Variants in EPHA6 observed in about 807,000 individuals in gnomAD.
The protein encoded by EPHA6 is ephrin type-A receptor 6.
EPHA6 carries 50 observed loss-of-function variants against 112.0 expected under a neutral mutation model. That is an observed-to-expected ratio of 0.45 (90% CI 0.36 to 0.56). The LOEUF (loss-of-function observed/expected upper bound fraction) is 0.56, where lower values mean the gene tolerates loss of function less well. Among genes scored for constraint, EPHA6 ranks in the 20% least tolerant of loss-of-function variants. The probability of loss-of-function intolerance (pLI) is 0.00; values close to 1 mark genes in which losing one functional copy is unlikely to be tolerated. For missense variants in EPHA6, 1,280 were observed against 1,417.4 expected (o/e 0.90, Z 1.56); for synonymous variants, 529 against 490.7 (o/e 1.08, Z -1.03).
chr3:96,873,268 A>G (rs2036744657), intron 2 of EPHA6, among the ~76,000 whole-genome samples: 5 of 151,950 alleles, frequency 3.3e-5, no homozygotes, highest in Admixed American at 3.3e-4. Flanking sequence ...CATCTCAGAA[A>G]AAAAAAAAAA....
chr3:97,076,745 C>T (rs2046539668), intron 3 of EPHA6, among the ~76,000 whole-genome samples: 1 of 152,108 alleles, frequency 6.6e-6, no homozygotes, highest in South Asian at 2.1e-4. Context: ...GCTAATGCAG[C>T]TTGTAATGTT....
chr3:97,761,033 A>G lies in EPHA6; in HGVS notation c.*12332A>G, dbSNP rs1172246363. The G allele has an allele frequency of 4.8e-6, 1 of 208,568 alleles. No individual in the cohort carries two copies. The highest frequency in any genetic ancestry group is 2.3e-5 in the African/African-American group (1 of 43,984). 12.9% of individuals were successfully genotyped at this position (208,568 alleles called of 1,614,324 possible). On this transcript the variant is annotated 3_prime_UTR_variant, in exon 18 of 18. Coordinates refer to ENST00000389672, the MANE Select transcript of EPHA6 (RefSeq NM_001080448.3). ...TATATGCCTTCCACTCAGGTTCCTGACACAGCCTACATTCTCTTTTCTGGT... is the reference window on the plus strand; with the variant it reads ...TATATGCCTTCCACTCAGGTTCCTGGCACAGCCTACATTCTCTTTTCTGGT...
At chr3:97,100,549 G>A (rs2047374722) in intron 3 of EPHA6, among the ~76,000 whole-genome samples, 1 of 151,850 alleles carries the variant, frequency 6.6e-6, no homozygotes, top group African/African-American at 2.4e-5. Context: ...TTAGTACTAA[G>A]ACTGAGATTC....
intron 14 of EPHA6, among the ~76,000 whole-genome samples, chr3:97,662,667 ATATT>A (rs1396142993): frequency 1.3e-5 from 2 of 152,224 alleles, no homozygotes; most frequent in African/African-American, 4.8e-5. Context: ...TCTTTAGGGA[ATATT>A]TAAAGATGCC....
intron 16 of EPHA6, among the ~76,000 whole-genome samples, chr3:97,738,600 G>C (rs553403035): frequency 3.3e-5 from 5 of 152,164 alleles, no homozygotes; most frequent in Non-Finnish European, 7.4e-5. Flanking sequence ...CAAGATGAGA[G>C]GGTGTATCTG....
rs200706821 is a variant in EPHA6 at position 96,905,771 on chromosome 3, C to T, written c.450+38882C>T. The stretch of plus-strand genomic sequence containing the variant: ...CAATATCTGCAGATGCAAGAGAAAT[C>T]GGTGTTAATATACCGTTTGTAGATG... On this transcript the variant is annotated intron_variant, in intron 2 of 17. Coordinates refer to ENST00000389672, the MANE Select transcript of EPHA6 (RefSeq NM_001080448.3). Among the ~76,000 whole-genome samples the T allele has an allele frequency of 4.1e-4, 62 of 151,696 alleles. No homozygotes were observed. The East Asian group carries it at 8.0e-3, about 19-fold the overall frequency.
chr3:97,468,141 A>G (rs921082294), intron 7 of EPHA6, among the ~76,000 whole-genome samples: 9 of 117,204 alleles, frequency 7.7e-5, no homozygotes, highest in African/African-American at 3.8e-4. Flanking sequence ...TCACTTTCTG[A>G]AAAAAAAAAA....
At chr3:97,324,434 T>TTTCTTTCTTTCTTTC (rs2082290055) in intron 5 of EPHA6, among the ~76,000 whole-genome samples, 1 of 146,828 alleles carries the variant, frequency 6.8e-6, no homozygotes, top group Non-Finnish European at 1.5e-5. Context: ...TCTTTCTTTC[T>TTTCTTTCTTTCTTTC]TTCTTTCTTT....
At chr3:97,601,452 C>G (rs2107408886) in intron 12 of EPHA6, among the ~76,000 whole-genome samples, 1 of 152,174 alleles carries the variant, frequency 6.6e-6, no homozygotes, top group African/African-American at 2.4e-5. Flanking sequence ...GATGCTGGAC[C>G]ACTTAAAAAT....
intron 3 of EPHA6, among the ~76,000 whole-genome samples, chr3:97,156,298 C>G (rs1172199977): frequency 6.6e-6 from 1 of 151,956 alleles, no homozygotes; most frequent in Non-Finnish European, 1.5e-5. Context: ...ATGGCCATAC[C>G]TGAAGCAGAT....
chr3:97,334,462 TTTCTTTTTTTTTCTTC>T (rs1559895687), intron 5 of EPHA6, among the ~76,000 whole-genome samples: 2 of 149,584 alleles, frequency 1.3e-5, no homozygotes, highest in African/African-American at 5.0e-5. Flanking sequence ...TTTTCTTTTC[TTTCTTTTTTTTTCTTC>T]TTTTTTTTTT....
In EPHA6 at chr3:97,700,761, A is replaced by G. The variant is rs1240099783; in HGVS notation, c.2785-19500A>G. Among the ~76,000 whole-genome samples the G allele has an allele frequency of 2.0e-5, 3 of 152,192 alleles. No individual in the cohort carries two copies. In the South Asian group the frequency reaches 6.2e-4, roughly 32 times the overall value. ...TATATTATGTAAAATTGCCTTTGAT[A>G]TTACAAAATATTCAGTTCTGCATAT... On this transcript the variant is annotated intron_variant, in intron 14 of 17. Transcript: ENST00000389672.
At chr3:96,856,524 G>A (rs1383034541) in intron 1 of EPHA6, among the ~76,000 whole-genome samples, 1 of 152,052 alleles carries the variant, frequency 6.6e-6, no homozygotes, top group African/African-American at 2.4e-5. Flanking sequence ...AGCCAATAAA[G>A]GATAGGCAAT....
intron 3 of EPHA6, among the ~76,000 whole-genome samples, chr3:97,077,407 T>C (rs1559712682): frequency 2.0e-5 from 3 of 152,114 alleles, no homozygotes; most frequent in South Asian, 4.1e-4. Context: ...TATATATATA[T>C]ACTTTAAGTT....
In EPHA6 at chr3:97,615,629, C is replaced by T. The variant is rs2093759292; in HGVS notation, c.2574+4775C>T. On this transcript the variant is annotated intron_variant, in intron 13 of 17. Transcript: ENST00000389672. ...ATCTTTATTGTTTGGACAACTTAGCCATTTCAGTCTCTGGGCTTTGGAGAG... is the reference window on the plus strand; with the variant it reads ...ATCTTTATTGTTTGGACAACTTAGCTATTTCAGTCTCTGGGCTTTGGAGAG... Among the ~76,000 whole-genome samples the T allele has an allele frequency of 2.6e-5, 4 of 152,286 alleles. No individual in the cohort carries two copies. In the South Asian group the frequency reaches 8.3e-4, roughly 32 times the overall value.
chr3:96,930,612 C>G (rs76655742), intron 2 of EPHA6, among the ~76,000 whole-genome samples: 4,451 of 152,176 alleles, frequency 0.029, 211 homozygotes, highest in African/African-American at 0.1. Context: ...TCATTTCCAG[C>G]CTGAACATGC....
At chr3:97,146,875 GAAAAGA>G (rs2076055447) in intron 3 of EPHA6, among the ~76,000 whole-genome samples, 2 of 151,876 alleles carry the variant, frequency 1.3e-5, no homozygotes, top group Non-Finnish European at 2.9e-5. Flanking sequence ...AAAAAGAAAT[GAAAAGA>G]AAAATAATTA....
At chr3:97,452,040 A>G (rs186216643) in intron 7 of EPHA6, among the ~76,000 whole-genome samples, 1 of 152,070 alleles carries the variant, frequency 6.6e-6, no homozygotes. Context: ...GACTTTGCTA[A>G]TGACCAAGGC....
intron 14 of EPHA6, among the ~76,000 whole-genome samples, chr3:97,674,832 T>C (rs1178082654): frequency 1.3e-5 from 2 of 152,178 alleles, no homozygotes; most frequent in Non-Finnish European, 2.9e-5. Flanking sequence ...CCCTTCTCTG[T>C]CTATTTGGAG....
Sources: allele counts gnomAD v4.1 joint callset (sites outside exome capture counted in the v4.1 genomes callset), GRCh38; gene constraint gnomAD v4.1.1; transcripts MANE v1.5; gene names NCBI Gene and HGNC (gene_info 2026-07-23, HGNC 2026-07-21).